KLHL23: variants seen among roughly 807,000 people sequenced by gnomAD.
The protein encoded by KLHL23 is kelch like family member 23.
KLHL23 carries 33 observed loss-of-function variants against 48.9 expected under a neutral mutation model. The observed-to-expected ratio is 0.67, with a 90% CI of 0.51 to 0.90. The LOEUF (loss-of-function observed/expected upper bound fraction) is 0.90. Among genes scored for constraint, KLHL23 ranks in the 40% least tolerant of loss-of-function variants. KLHL23 has a pLI of 0.00. For missense variants in KLHL23, 608 were observed against 669.6 expected (o/e 0.91, Z 1.02); for synonymous variants, 234 against 231.6 (o/e 1.01, Z -0.09).
chr2:169,740,766 T>TTTTATATA (rs1553477016), intron 2 of KLHL23, among the ~76,000 whole-genome samples: 2,268 of 125,412 alleles, frequency 0.018, 64 homozygotes, highest in South Asian at 0.068. Flanking sequence ...CTTTTTTATA[T>TTTTATATA]TATATATATA....
rs1167239621 is a variant in KLHL23 at position 169,736,156 on chromosome 2, C to G, written c.1142C>G (p.Ala381Gly). 2 of 1,613,950 alleles carry G rather than the reference C, an allele frequency of 1.2e-6. No homozygotes were observed. Among genetic ancestry groups the G allele is most frequent in the Non-Finnish European group, 1.7e-6 (2 of 1,180,024 alleles). ...VYALGGYRKGAPAEEAEFYDP... is the reference protein window; with the variant it reads ...VYALGGYRKGGPAEEAEFYDP... Reference sequence around the variant, plus strand: ...GCTTTAGGTGGTTACAGAAAAGGGGCTCCAGCAGAAGAGGCTGAGTTCTAT... The same window carrying G: ...GCTTTAGGTGGTTACAGAAAAGGGGGTCCAGCAGAAGAGGCTGAGTTCTAT... Residue 381 changes from alanine (A) to glycine (G), a missense_variant, in exon 2 of 4, where the codon GCT (alanine) becomes GGT (glycine). Physicochemically the swap from Ala to Gly is moderately conservative, Grantham distance 60 (BLOSUM62 0). This residue lies in a region of KLHL23 where 419 missense variants were observed against 473.1 expected (regional missense o/e 0.89). Transcript: ENST00000392647.
At position 169,736,160 on chromosome 2, in the gene KLHL23, A is replaced by G; in HGVS notation, c.1146A>G (p.Pro382=). The G allele has an allele frequency of 6.2e-7, 1 of 1,614,132 alleles. No individual in the cohort carries two copies. The highest frequency in any genetic ancestry group is 2.2e-5 in the East Asian group (1 of 44,886). The change falls in exon 2 of 4, where the codon CCA becomes CCG. Residue 382 remains proline, a synonymous_variant. Coordinates refer to ENST00000392647, the MANE Select transcript of KLHL23 (RefSeq NM_144711.6). The stretch of plus-strand genomic sequence containing the variant: ...TAGGTGGTTACAGAAAAGGGGCTCC[A>G]GCAGAAGAGGCTGAGTTCTATGATC... ...YALGGYRKGA[P]AEEAEFYDPL... is the part of the protein sequence containing the mutation.
chr2:169,749,505 G>T lies in KLHL23; in HGVS notation c.1450G>T (p.Glu484Ter). The part of the protein sequence containing the change: ...QTTITECYDP[E>*]QNEWREIAPM... ...TACAATCACAGAATGCTATGACCCT[G>T]AACAAAATGAATGGAGAGAGATAGC... The change falls in exon 4 of 4, where the codon GAA becomes TAA. Residue 484 changes from glutamate to a stop codon, truncating the protein, a stop_gained. Coordinates refer to ENST00000392647, the MANE Select transcript of KLHL23 (RefSeq NM_144711.6). LOFTEE classifies it high-confidence loss of function. The T allele has an allele frequency of 6.2e-7, 1 of 1,614,082 alleles. No individual in the cohort carries two copies. Among genetic ancestry groups the T allele is most frequent in the South Asian group, 1.1e-5 (1 of 91,060 alleles).
chr2:169,747,648 C>G (rs79660469), intron 3 of KLHL23, among the ~76,000 whole-genome samples: 11,772 of 151,990 alleles, frequency 0.077, 580 homozygotes, highest in Middle Eastern at 0.17. Context: ...GAGGGGCTTG[C>G]TTATAAGCTT....
At chr2:169,741,362 A>G in intron 2 of KLHL23, 23 bp from the exon 3 acceptor site, 1 of 1,587,694 alleles carries the variant, frequency 6.3e-7, no homozygotes, top group Non-Finnish European at 8.6e-7. Context: ...CAATCTAAAG[A>G]TGTGATTTTA....
intron 3 of KLHL23, among the ~76,000 whole-genome samples, chr2:169,742,194 A>C (rs903401585): frequency 5.3e-5 from 8 of 152,262 alleles, no homozygotes; most frequent in African/African-American, 1.9e-4. Flanking sequence ...TCATTAGGAA[A>C]GATTCATATC....
intron 3 of KLHL23, among the ~76,000 whole-genome samples, chr2:169,742,256 A>C (rs763577681): frequency 3.4e-4 from 52 of 152,210 alleles, no homozygotes; most frequent in Admixed American, 7.2e-4. Context: ...TCAGGCTTCC[A>C]TGTGGGTCAG....
At chr2:169,737,981 A>G (rs1017316873) in intron 2 of KLHL23, among the ~76,000 whole-genome samples, 2 of 152,234 alleles carry the variant, frequency 1.3e-5, no homozygotes, top group African/African-American at 4.8e-5. Flanking sequence ...GTGCTTGTTG[A>G]AAAAAGATAT....
At chr2:169,740,624 AT>A (rs377605638) in intron 2 of KLHL23, among the ~76,000 whole-genome samples, 4,377 of 150,476 alleles carry the variant, frequency 0.029, 88 homozygotes, top group East Asian at 0.1. Flanking sequence ...AATTTTTTGT[AT>A]TTTTAGTAGA....
In KLHL23 at chr2:169,741,758, C is replaced by G. The variant is rs1036263515; in HGVS notation, c.1366+221C>G. On this transcript the variant is annotated intron_variant, in intron 3 of 3. Coordinates refer to ENST00000392647, the MANE Select transcript of KLHL23 (RefSeq NM_144711.6). ...AAATATTTTCCCTGATGTCTTTATA[C>G]AATGCACATTGTAAGTCTGTGTGGT... is the stretch of plus-strand genomic sequence containing the variant. 3.9e-5 allele frequency among the ~76,000 whole-genome samples: 6 copies of G among 152,152 alleles called. No individual in the cohort carries two copies. In the East Asian group the frequency reaches 1.2e-3, roughly 29 times the overall value.
chr2:169,734,750 G>A (rs1046338796), intron 1 of KLHL23, among the ~76,000 whole-genome samples: 1 of 152,056 alleles, frequency 6.6e-6, no homozygotes, highest in African/African-American at 2.4e-5. Context: ...GGTAGATTGC[G>A]GTGAATGGAA....
At chr2:169,738,112 C>G (rs1187595107) in intron 2 of KLHL23, among the ~76,000 whole-genome samples, 2 of 152,138 alleles carry the variant, frequency 1.3e-5, no homozygotes, top group Non-Finnish European at 2.9e-5. Flanking sequence ...GTCTGAAATT[C>G]CAGTTTTATA....
Position 169,749,752 on chromosome 2 carries a change from C to A in KLHL23, c.*20C>A, listed in dbSNP as rs764651240. On this transcript the variant is annotated 3_prime_UTR_variant, in exon 4 of 4. Coordinates refer to ENST00000392647, the MANE Select transcript of KLHL23 (RefSeq NM_144711.6). Reference sequence around the variant, plus strand: ...GTCTAATTGAATCTGCAGAAATGACCAAGCAATCACTTTTTTGGAGTATAG... The same window carrying A: ...GTCTAATTGAATCTGCAGAAATGACAAAGCAATCACTTTTTTGGAGTATAG... 6.4e-7 allele frequency: 1 copy of A among 1,566,100 alleles called. No individual in the cohort carries two copies. Among genetic ancestry groups the A allele is most frequent in the South Asian group, 1.2e-5 (1 of 85,216 alleles).
intron 2 of KLHL23, among the ~76,000 whole-genome samples, chr2:169,740,751 A>G (rs891826101): frequency 2.5e-5 from 3 of 120,198 alleles, no homozygotes; most frequent in Admixed American, 8.5e-5. Flanking sequence ...CCCGGCCTCT[A>G]TAAGCTTTTT....
In KLHL23 at chr2:169,749,649, C is replaced by T. The variant is rs906531586; in HGVS notation, c.1594C>T (p.Pro532Ser). 1.2e-6 allele frequency: 2 copies of T among 1,613,956 alleles called. No homozygotes were observed. The highest frequency in any genetic ancestry group is 2.2e-5 in the East Asian group (1 of 44,882). Reference sequence around the variant, plus strand: ...TCTTCAGAGCATTGAGAAATATGATCCAGATCTTAATAAGTGGGAAATAGT... The same window carrying T: ...TCTTCAGAGCATTGAGAAATATGATTCAGATCTTAATAAGTGGGAAATAGT... ...TYLQSIEKYDPDLNKWEIVGN... is the reference protein window; with the variant it reads ...TYLQSIEKYDSDLNKWEIVGN... The change falls in exon 4 of 4, where the codon CCA becomes TCA. Residue 532 changes from proline (P) to serine (S), a missense_variant. By Grantham distance (74) the Pro-to-Ser change is moderately conservative. This residue lies in a region of KLHL23 where 179 missense variants were observed against 169.9 expected (regional missense o/e 1.05). Coordinates refer to ENST00000392647, the MANE Select transcript of KLHL23 (RefSeq NM_144711.6).
chr2:169,749,533 C>T lies in KLHL23; in HGVS notation c.1478C>T (p.Pro493Leu). 1 of 1,613,968 alleles carries T rather than the reference C, an allele frequency of 6.2e-7. No homozygotes were observed. Among genetic ancestry groups the T allele is most frequent in the Non-Finnish European group, 8.5e-7 (1 of 1,180,010 alleles). The change falls in exon 4 of 4, where the codon CCC becomes CTC. Residue 493 changes from proline (P) to leucine (L), a missense_variant. Transcript: ENST00000392647. ...CAAAATGAATGGAGAGAGATAGCTC[C>T]CATGATGGAAAGGAGGATGGAGTGC... is the stretch of plus-strand genomic sequence containing the variant. ...PEQNEWREIA[P>L]MMERRMECGA... is the part of the protein sequence containing the mutation.
At position 169,749,783 on chromosome 2, in the gene KLHL23, TA is replaced by T. The variant is rs149836052; in HGVS notation, c.*58del. ...ATCACTTTTTTGGAGTATAGTTTTA[TA>T]AAAAAAGAATGCAGGGTTTGAAGTT... On this transcript the variant is annotated 3_prime_UTR_variant, in exon 4 of 4. Coordinates refer to ENST00000392647, the MANE Select transcript of KLHL23 (RefSeq NM_144711.6). 12 of 1,522,068 alleles carry T rather than the reference TA, an allele frequency of 7.9e-6. No homozygotes were observed. The highest frequency in any genetic ancestry group is 1.1e-5 in the Non-Finnish European group (12 of 1,133,398). 94.3% of individuals were successfully genotyped at this position (1,522,068 alleles called of 1,614,324 possible).
intron 1 of KLHL23, among the ~76,000 whole-genome samples, chr2:169,734,390 G>T (rs1439476907): frequency 6.7e-5 from 10 of 149,510 alleles, no homozygotes; most frequent in Non-Finnish European, 1.2e-4. Flanking sequence ...GGGCGGGGCG[G>T]TCTCCGGGCG....
At chr2:169,747,749 A>C (rs961124226) in intron 3 of KLHL23, among the ~76,000 whole-genome samples, 4 of 152,204 alleles carry the variant, frequency 2.6e-5, no homozygotes, top group Admixed American at 2.0e-4. Flanking sequence ...TCGAATTCTC[A>C]CAAGGTGCCA....
Sources: allele counts gnomAD v4.1 joint callset (sites outside exome capture counted in the v4.1 genomes callset), GRCh38; gene constraint gnomAD v4.1.1; regional missense constraint gnomAD v4.1.1; transcripts MANE v1.5; gene names NCBI Gene and HGNC (gene_info 2026-07-23, HGNC 2026-07-21).